The following NRG3 variants were observed in gnomAD, a reference collection of about 807,000 sequenced individuals.
The protein encoded by NRG3 is pro-neuregulin-3, membrane-bound isoform.
NRG3 carries 31 observed loss-of-function variants against 66.9 expected under a neutral mutation model. That is an observed-to-expected ratio of 0.46 (90% CI 0.35 to 0.63). The LOEUF is 0.63. Ranked by LOEUF, NRG3 falls within the 20% of genes least tolerant of loss-of-function variation. The probability of loss-of-function intolerance (pLI) is 0.00; values close to 1 mark genes in which losing one functional copy is unlikely to be tolerated. For missense variants in NRG3, 910 were observed against 878.9 expected (o/e 1.04, Z -0.45); for synonymous variants, 393 against 359.4 (o/e 1.09, Z -1.06).
At position 82,951,534 on chromosome 10, in the gene NRG3, G is replaced by A. The variant is rs373607716; in HGVS notation, c.1120G>A (p.Val374Met). The change falls in exon 5 of 9, where the codon GTG becomes ATG. Residue 374 changes from valine (V) to methionine (M), a missense_variant. Coordinates refer to ENST00000372141, the MANE Select transcript of NRG3 (RefSeq NM_001010848.4). ...ISCIIFGIVI[V>M]GMFCAAFYFK... Reference sequence around the variant, plus strand: ...ATGTATCATCTTTGGAATTGTCATCGTGGGCATGTTCTGTGCAGCATTCTA... The same window carrying A: ...ATGTATCATCTTTGGAATTGTCATCATGGGCATGTTCTGTGCAGCATTCTA... 35 of 1,613,766 alleles carry A rather than the reference G, an allele frequency of 2.2e-5. No individual in the cohort carries two copies. Among genetic ancestry groups the A allele is most frequent in the Non-Finnish European group, 2.4e-5 (28 of 1,179,796 alleles).
At chr10:82,326,701 A>G (rs770284309) in intron 1 of NRG3, among the ~76,000 whole-genome samples, 10 of 151,982 alleles carry the variant, frequency 6.6e-5, no homozygotes, top group Admixed American at 2.6e-4. Flanking sequence ...GTTATTTCAG[A>G]CTATATAGTT....
At chr10:82,091,655 A>C (rs897490418) in intron 1 of NRG3, among the ~76,000 whole-genome samples, 1 of 152,074 alleles carries the variant, frequency 6.6e-6, no homozygotes, top group African/African-American at 2.4e-5. Context: ...CTCTGATTTC[A>C]ATTTTGTGTG....
At chr10:82,143,688 A>G (rs2132672836) in intron 1 of NRG3, among the ~76,000 whole-genome samples, 1 of 152,302 alleles carries the variant, frequency 6.6e-6, no homozygotes, top group East Asian at 1.9e-4. Context: ...TTGTCTGTAT[A>G]AATGTGATAA....
intron 4 of NRG3, among the ~76,000 whole-genome samples, chr10:82,923,980 C>T (rs558271418): frequency 6.6e-6 from 1 of 151,652 alleles, no homozygotes; most frequent in Non-Finnish European, 1.5e-5. Flanking sequence ...CACCTGTCAT[C>T]CCAGCTACTC....
intron 2 of NRG3, among the ~76,000 whole-genome samples, chr10:82,717,436 G>A (rs978721846): frequency 5.3e-5 from 7 of 131,848 alleles, no homozygotes; most frequent in African/African-American, 2.1e-4. Context: ...GTCTTGCTGT[G>A]TCGCCCAGGC....
intron 2 of NRG3, among the ~76,000 whole-genome samples, chr10:82,418,919 C>T (rs1000140315): frequency 1.3e-5 from 2 of 152,098 alleles, no homozygotes; most frequent in Non-Finnish European, 2.9e-5. Flanking sequence ...ATTTAAGCCT[C>T]ACAAACTTTT....
chr10:82,620,023 T>G (rs907725802), intron 2 of NRG3, among the ~76,000 whole-genome samples: 3 of 152,186 alleles, frequency 2.0e-5, no homozygotes, highest in Non-Finnish European at 1.5e-5. Context: ...ACTTGGCCTG[T>G]CATGCTCAAC....
intron 2 of NRG3, among the ~76,000 whole-genome samples, chr10:82,660,196 C>CAAAAAAAAAAAAA: frequency 6.6e-4 from 13 of 19,560 alleles, no homozygotes; most frequent in Admixed American, 2.3e-3. Flanking sequence ...AACTCCCTCT[C>CAAAAAAAAAAAAA]AAAAAAAAAA....
chr10:82,523,820 G>C (rs1321814688), intron 2 of NRG3, among the ~76,000 whole-genome samples: 2 of 152,002 alleles, frequency 1.3e-5, no homozygotes, highest in African/African-American at 4.8e-5. Flanking sequence ...TTTCCTCCTG[G>C]ACTTTTTGGC....
intron 3 of NRG3, among the ~76,000 whole-genome samples, chr10:82,836,395 ATAT>A (rs2062777564): frequency 6.6e-6 from 1 of 152,152 alleles, no homozygotes; most frequent in Non-Finnish European, 1.5e-5. Flanking sequence ...CAAGGACAAG[ATAT>A]TATTGAGTAT....
intron 3 of NRG3, among the ~76,000 whole-genome samples, chr10:82,846,106 T>G (rs1300686624): frequency 2.6e-5 from 4 of 152,108 alleles, no homozygotes; most frequent in African/African-American, 9.7e-5. Flanking sequence ...GTTTCATGGG[T>G]GGGATTATAG....
At chr10:82,233,844 T>A (rs769724260) in intron 1 of NRG3, among the ~76,000 whole-genome samples, 18 of 152,126 alleles carry the variant, frequency 1.2e-4, no homozygotes, top group Non-Finnish European at 2.4e-4. Context: ...TTTAACCATC[T>A]ACTCATCCAC....
chr10:82,204,133 C>T (rs2074994060), intron 1 of NRG3, among the ~76,000 whole-genome samples: 2 of 152,218 alleles, frequency 1.3e-5, no homozygotes, highest in South Asian at 2.1e-4. Flanking sequence ...TTTTATTTTG[C>T]AATCTACCTC....
chr10:82,645,932 A>C (rs1408609754), intron 2 of NRG3, among the ~76,000 whole-genome samples: 1 of 152,196 alleles, frequency 6.6e-6, no homozygotes, highest in Non-Finnish European at 1.5e-5. Context: ...TGCAGCTTAA[A>C]TACAGTTTCA....
chr10:82,105,468 T>C (rs1203886216), intron 1 of NRG3, among the ~76,000 whole-genome samples: 2 of 152,220 alleles, frequency 1.3e-5, no homozygotes, highest in Non-Finnish European at 1.5e-5. Context: ...TCTTCTAGGA[T>C]AGGGGACCCT....
intron 1 of NRG3, among the ~76,000 whole-genome samples, chr10:82,176,880 G>GAC (rs142443398): frequency 0.012 from 1,779 of 145,988 alleles, 37 homozygotes; most frequent in African/African-American, 0.039. Flanking sequence ...TTTAAAACAA[G>GAC]ACACACACAC....
intron 3 of NRG3, among the ~76,000 whole-genome samples, chr10:82,777,264 T>C (rs1017278252): frequency 3.9e-5 from 6 of 152,036 alleles, no homozygotes; most frequent in Non-Finnish European, 5.9e-5. Context: ...GGGTAAGTTG[T>C]ATGGTTCTTG....
chr10:81,912,424 G>A (rs1333664858), intron 1 of NRG3, among the ~76,000 whole-genome samples: 1 of 152,254 alleles, frequency 6.6e-6, no homozygotes, highest in Non-Finnish European at 1.5e-5. Flanking sequence ...GTCTCCTTAT[G>A]TTTCCCAGGC....
At chr10:81,951,102 G>A (rs1368768896) in intron 1 of NRG3, among the ~76,000 whole-genome samples, 2 of 152,130 alleles carry the variant, frequency 1.3e-5, no homozygotes, top group Non-Finnish European at 2.9e-5. Flanking sequence ...TGATTCATTT[G>A]CAGCCAGTCA....
Sources: allele counts gnomAD v4.1 joint callset (sites outside exome capture counted in the v4.1 genomes callset), GRCh38; gene constraint gnomAD v4.1.1; transcripts MANE v1.5; gene names NCBI Gene and HGNC (gene_info 2026-07-23, HGNC 2026-07-21).